Variants in PLXNC1 observed in about 807,000 individuals in gnomAD.
The protein encoded by PLXNC1 is plexin C1.
A neutral mutation model predicts 178.2 loss-of-function variants in PLXNC1; 75 were observed. That is an observed-to-expected ratio of 0.42 (90% CI 0.35 to 0.51). The LOEUF (loss-of-function observed/expected upper bound fraction) is 0.51. Ranked by LOEUF, PLXNC1 falls within the 20% of genes least tolerant of loss-of-function variation. PLXNC1 has a pLI of 0.02. For synonymous variants in PLXNC1, 790 were observed against 779.9 expected, an observed-to-expected ratio of 1.01 and a Z score of -0.22; for missense variants, 1,503 against 1,984.4, an observed-to-expected ratio of 0.76 and a Z score of 4.61.
rs1270389031 is a variant in PLXNC1, at chr12:94,249,946, T to TGGGG, written c.2779-1477_2779-1476insGGGG. Among the ~76,000 whole-genome samples, 3 of 24,534 alleles carry TGGGG rather than the reference T, an allele frequency of 1.2e-4. No homozygotes were observed. In the South Asian group the frequency reaches 5.5e-3, roughly 45 times the overall value. 16.1% of individuals were successfully genotyped at this position (24,534 alleles called of 152,430 possible). A position where few individuals can be genotyped will look rare whatever the true frequency, so the allele number is the denominator to read the frequency against. ...GCACCAGTGTGGGGGGGTGGGGGGG[T>TGGGG]GGGAACAGGAGCAGGTAGGGGGGCC... On this transcript the variant is annotated intron_variant, in intron 14 of 30. Transcript: ENST00000258526.
intron 21 of PLXNC1, among the ~76,000 whole-genome samples, chr12:94,271,161 ATATATTT>A (rs1965545572): frequency 6.6e-6 from 1 of 152,252 alleles, no homozygotes; most frequent in Non-Finnish European, 1.5e-5. Context: ...AAAATTAGAA[ATATATTT>A]TATAGGTTTT....
intron 21 of PLXNC1, among the ~76,000 whole-genome samples, chr12:94,272,716 C>CCACACCT (rs1401923534): frequency 6.6e-6 from 1 of 152,240 alleles, no homozygotes; most frequent in Non-Finnish European, 1.5e-5. Context: ...AGCATACTGG[C>CCACACCT]CACACCTGGC....
intron 4 of PLXNC1, among the ~76,000 whole-genome samples, chr12:94,200,476 A>G (rs1445243110): frequency 1.3e-5 from 2 of 152,088 alleles, no homozygotes; most frequent in Non-Finnish European, 2.9e-5. Context: ...ATTCTGCTAT[A>G]TGGAGGGTGC....
In PLXNC1 at chr12:94,303,855, T is replaced by G. The variant is rs773809246; in HGVS notation, c.4486T>G (p.Ser1496Ala). 9 of 1,608,834 alleles carry G rather than the reference T, an allele frequency of 5.6e-6. No homozygotes were observed. In the Admixed American group the frequency reaches 1.2e-4, roughly 21 times the overall value. ...YKAIRDLPPL[S>A]SSEMEEFLTQ... Reference sequence around the variant, plus strand: ...AGCAATCAGGGATTTGCCTCCATTGTCATCCTCAGAAATGGAAGAATTTTT... The same window carrying G: ...AGCAATCAGGGATTTGCCTCCATTGGCATCCTCAGAAATGGAAGAATTTTT... The change falls in exon 29 of 31, where the codon TCA becomes GCA. Residue 1496 changes from serine to alanine, a missense_variant. Ser to Ala is a moderately conservative substitution (Grantham distance 99). Coordinates refer to ENST00000258526, the MANE Select transcript of PLXNC1 (RefSeq NM_005761.3).
intron 2 of PLXNC1, among the ~76,000 whole-genome samples, chr12:94,170,025 C>A (rs1288815572): frequency 1.3e-5 from 2 of 152,200 alleles, no homozygotes; most frequent in Non-Finnish European, 2.9e-5. Context: ...TTATTGAAGA[C>A]CTTCTGTGGT....
At chr12:94,299,939 T>C (rs1050722915) in intron 27 of PLXNC1, among the ~76,000 whole-genome samples, 1 of 152,088 alleles carries the variant, frequency 6.6e-6, no homozygotes, top group African/African-American at 2.4e-5. Flanking sequence ...ACCTTGAAGA[T>C]TATGGCATCT....
At chr12:94,259,187 G>T in intron 17 of PLXNC1, 150 bp from the exon 18 acceptor site, 1 of 582,656 alleles carries the variant, frequency 1.7e-6, no homozygotes, top group Non-Finnish European at 3.0e-6. Flanking sequence ...TTATGTATTA[G>T]AGAATACGCA....
In PLXNC1 at chr12:94,282,104, A is replaced by G. The variant is rs972824860; in HGVS notation, c.3776-194A>G. The G allele has an allele frequency of 5.8e-6, 3 of 516,086 alleles. No individual in the cohort carries two copies. The African/African-American group carries it at 6.1e-5, about 11-fold the overall frequency. The allele number at this position is 516,086 out of a possible 1,614,324, so 32.0% of individuals were successfully genotyped here. A position where few individuals can be genotyped will look rare whatever the true frequency, so the allele number is the denominator to read the frequency against. ...GCTTATCAGGGAAGAAGTGGTTTGA[A>G]ACATCAGAGCCCTAAACAAACAAAC... On this transcript the variant is annotated intron_variant, in intron 22 of 30. Coordinates refer to ENST00000258526, the MANE Select transcript of PLXNC1 (RefSeq NM_005761.3).
chr12:94,276,756 C>A (rs1965993918), intron 21 of PLXNC1, among the ~76,000 whole-genome samples: 1 of 152,176 alleles, frequency 6.6e-6, no homozygotes, highest in Non-Finnish European at 1.5e-5. Context: ...CCCACCAGCT[C>A]CCTGCCTTCT....
At chr12:94,185,707 C>T (rs1962483277) in intron 3 of PLXNC1, among the ~76,000 whole-genome samples, 2 of 152,214 alleles carry the variant, frequency 1.3e-5, no homozygotes, top group Admixed American at 6.5e-5. Context: ...GACGGCGCTG[C>T]CCCTGGCAGG....
chr12:94,168,688 C>A (rs1461119131), intron 1 of PLXNC1, among the ~76,000 whole-genome samples: 1 of 152,174 alleles, frequency 6.6e-6, no homozygotes, highest in East Asian at 1.9e-4. Context: ...TCCCTCCTTT[C>A]TGCCATCACA....
intron 4 of PLXNC1, among the ~76,000 whole-genome samples, chr12:94,197,653 G>A (rs1487159525): frequency 6.6e-6 from 1 of 152,140 alleles, no homozygotes; most frequent in African/African-American, 2.4e-5. Flanking sequence ...GAGACACCAT[G>A]TAAGGTGACA....
At chr12:94,215,809 C>A (rs903446313) in intron 5 of PLXNC1, among the ~76,000 whole-genome samples, 1 of 151,944 alleles carries the variant, frequency 6.6e-6, no homozygotes, top group African/African-American at 2.4e-5. Flanking sequence ...AAAATTTAGA[C>A]TAATTAAGAA....
chr12:94,185,290 A>G (rs535214627), intron 3 of PLXNC1, among the ~76,000 whole-genome samples: 8 of 152,374 alleles, frequency 5.3e-5, no homozygotes, highest in African/African-American at 1.9e-4. Context: ...AGCTCAGGAT[A>G]GTCCTTGTTT....
chr12:94,210,792 A>T (rs983636610), intron 5 of PLXNC1, among the ~76,000 whole-genome samples: 1 of 152,184 alleles, frequency 6.6e-6, no homozygotes, highest in Non-Finnish European at 1.5e-5. Context: ...TTTCATACAA[A>T]CTTCTACCAG....
In PLXNC1 at chr12:94,304,459, A is replaced by G. The variant is rs75794238; in HGVS notation, c.4602+408A>G. 2.8e-3 allele frequency: 445 copies of G among 158,384 alleles called. 1 individual carries two copies. Among genetic ancestry groups the G allele is most frequent in the African/African-American group, 9.7e-3 (407 of 41,832 alleles). The allele number at this position is 158,384 out of a possible 1,614,324, so 9.8% of individuals were successfully genotyped here. A position where few individuals can be genotyped will look rare whatever the true frequency, so the allele number is the denominator to read the frequency against. On this transcript the variant is annotated intron_variant, in intron 30 of 30. Coordinates refer to ENST00000258526, the MANE Select transcript of PLXNC1 (RefSeq NM_005761.3). ...TGAAATTATGACATATTTCTAACTT[A>G]AGCGACTATTTCAATAAACCATTCT...
chr12:94,150,274 G>A (rs1960908814), intron 1 of PLXNC1, among the ~76,000 whole-genome samples: 1 of 152,162 alleles, frequency 6.6e-6, no homozygotes, highest in Non-Finnish European at 1.5e-5. Context: ...GGGAGGGTTG[G>A]AGTTAGACTC....
chr12:94,264,157 A>G (rs1022676280), intron 20 of PLXNC1, among the ~76,000 whole-genome samples: 1 of 152,048 alleles, frequency 6.6e-6, no homozygotes, highest in Non-Finnish European at 1.5e-5. Flanking sequence ...TTATTTAGCA[A>G]ATACTCTACA....
chr12:94,203,133 A>G (rs982118607), intron 4 of PLXNC1, among the ~76,000 whole-genome samples: 2 of 152,136 alleles, frequency 1.3e-5, no homozygotes, highest in Non-Finnish European at 2.9e-5. Flanking sequence ...TTTGGGTACA[A>G]GAGTTACCCA....
Sources: gnomAD v4.1 joint callset for allele counts (sites outside exome capture counted in the v4.1 genomes callset) on GRCh38, gnomAD v4.1.1 for gene constraint, MANE v1.5 for transcripts, NCBI Gene and HGNC (gene_info 2026-07-23, HGNC 2026-07-21) for gene names.